KCNN3: variants seen among roughly 807,000 people sequenced by gnomAD.
The protein encoded by KCNN3 is small conductance calcium-activated potassium channel protein 3.
Under a neutral mutation model 62.9 loss-of-function variants are expected in KCNN3, and 16 were observed. The ratio of observed to expected loss-of-function variants is 0.25; its 90% CI spans 0.17 to 0.39. The LOEUF (loss-of-function observed/expected upper bound fraction) is 0.39. Among genes scored for constraint, KCNN3 ranks in the 10% least tolerant of loss-of-function variants. The probability of loss-of-function intolerance (pLI) is 1.00; values close to 1 mark genes in which losing one functional copy is unlikely to be tolerated. For synonymous variants in KCNN3, 370 were observed against 389.2 expected, an observed-to-expected ratio of 0.95 and a Z score of 0.58; for missense variants, 599 against 949.4, an observed-to-expected ratio of 0.63 and a Z score of 4.85.
rs116895349 is a variant in KCNN3, at chr1:154,805,146, G to A, written c.1029+16943C>T. On this transcript the variant is annotated intron_variant, in intron 2 of 7. Transcript: ENST00000271915. ...CACACAGTCAGGGTTCGAGTGAGGC[G>A]GTGAAGAGGAAACAGGGGGACCTGG... Among the ~76,000 whole-genome samples the A allele has an allele frequency of 3.5e-4, 53 of 152,256 alleles. No homozygotes were observed. In the East Asian group the frequency reaches 8.9e-3, roughly 25 times the overall value.
intron 2 of KCNN3, among the ~76,000 whole-genome samples, chr1:154,821,571 T>A (rs1650897530): frequency 1.3e-5 from 2 of 152,310 alleles, no homozygotes; most frequent in Middle Eastern, 3.4e-3. Context: ...CAGCAGACTC[T>A]TACTCTGTCT....
chr1:154,708,045 G>A lies in KCNN3; in HGVS notation c.2127C>T (p.Ile709=), dbSNP rs1459697235. Residue 709 remains isoleucine, a synonymous_variant, in exon 8 of 8, where the codon ATC becomes ATT. Transcript: ENST00000271915. ...AGCTGACCCCAATGGGGCTATCGGA[G>A]ATTGGGGTGTGGGTGGTGCCCACTG... ...SVAVGTTHTP[I]SDSPIGVSST... 1.2e-6 allele frequency: 2 copies of A among 1,613,280 alleles called. No homozygotes were observed. Among genetic ancestry groups the A allele is most frequent in the Admixed American group, 3.3e-5 (2 of 59,980 alleles).
At position 154,846,815 on chromosome 1, in the gene KCNN3, C is replaced by T. The variant is rs1252863502; in HGVS notation, c.933+22217G>A. On this transcript the variant is annotated intron_variant, in intron 1 of 7. Transcript: ENST00000271915. ...GCCCTCTAGGGATTTACTGTGCTTA[C>T]TAGAGGAGGAATGAAGGTTTATTCA... Among the ~76,000 whole-genome samples the T allele has an allele frequency of 2.6e-5, 4 of 152,192 alleles. No homozygotes were observed. The South Asian group carries it at 6.2e-4, about 24-fold the overall frequency.
At chr1:154,777,648 CG>C (rs1557971069) in intron 2 of KCNN3, among the ~76,000 whole-genome samples, 2 of 152,146 alleles carry the variant, frequency 1.3e-5, no homozygotes, top group African/African-American at 4.8e-5. Flanking sequence ...CAGAGGGGCT[CG>C]GGGAGTGTGT....
At chr1:154,769,436 G>C (rs1648451206) in intron 3 of KCNN3, among the ~76,000 whole-genome samples, 1 of 152,228 alleles carries the variant, frequency 6.6e-6, no homozygotes. Flanking sequence ...TGCAGAGAGA[G>C]AGAGAGAGAC....
intron 1 of KCNN3, among the ~76,000 whole-genome samples, chr1:154,828,794 G>A (rs531046199): frequency 6.6e-6 from 1 of 152,318 alleles, no homozygotes; most frequent in Non-Finnish European, 1.5e-5. Flanking sequence ...GCAGGTAAAT[G>A]CAGCTGATCC....
intron 1 of KCNN3, among the ~76,000 whole-genome samples, chr1:154,850,586 G>A (rs934879408): frequency 3.3e-5 from 5 of 152,172 alleles, no homozygotes; most frequent in African/African-American, 9.7e-5. Flanking sequence ...GACATTTGGC[G>A]ACATGGTTGG....
At chr1:154,868,912 CTCTCT>C in intron 1 of KCNN3, 115 bp downstream of exon 1, 1 of 996,844 alleles carries the variant, frequency 1.0e-6, no homozygotes, top group Non-Finnish European at 1.6e-6. Flanking sequence ...CTCTCTCTCT[CTCTCT>C]CTCTCTCTCT....
intron 1 of KCNN3, among the ~76,000 whole-genome samples, chr1:154,848,802 G>A (rs948105730): frequency 1.3e-4 from 19 of 151,958 alleles, no homozygotes; most frequent in Admixed American, 6.6e-5. Context: ...ATTAATATCC[G>A]CGGCAGGCCC....
chr1:154,863,229 C>T (rs1652831321), intron 1 of KCNN3, among the ~76,000 whole-genome samples: 3 of 151,780 alleles, frequency 2.0e-5, no homozygotes, highest in African/African-American at 4.8e-5. Context: ...ATGACAGGGT[C>T]GGGGGAGGGG....
chr1:154,734,724 G>A (rs1162513075), intron 3 of KCNN3, among the ~76,000 whole-genome samples: 1 of 152,236 alleles, frequency 6.6e-6, no homozygotes, highest in East Asian at 1.9e-4. Flanking sequence ...GACGGATACT[G>A]TGCATGTATT....
intron 2 of KCNN3, among the ~76,000 whole-genome samples, chr1:154,793,646 G>C (rs1014954011): frequency 1.3e-5 from 2 of 152,094 alleles, no homozygotes; most frequent in African/African-American, 4.8e-5. Flanking sequence ...ACTATGCTGG[G>C]GACTGTTACC....
chr1:154,747,361 T>C (rs117791669), intron 3 of KCNN3, among the ~76,000 whole-genome samples: 3 of 152,104 alleles, frequency 2.0e-5, no homozygotes, highest in South Asian at 2.1e-4. Flanking sequence ...CTGCTCCCAA[T>C]CTACCAGTGG....
At chr1:154,768,347 A>C (rs894008178) in intron 3 of KCNN3, among the ~76,000 whole-genome samples, 1 of 152,258 alleles carries the variant, frequency 6.6e-6, no homozygotes, top group African/African-American at 2.4e-5. Context: ...TTCTAAAAAT[A>C]GTGCTTAGTC....
At chr1:154,854,751 G>A (rs1371059430) in intron 1 of KCNN3, among the ~76,000 whole-genome samples, 4 of 152,182 alleles carry the variant, frequency 2.6e-5, no homozygotes, top group Non-Finnish European at 5.9e-5. Context: ...AGGCTAACGT[G>A]TGTTTGTGTC....
At chr1:154,781,106 T>C (rs1289173900) in intron 2 of KCNN3, among the ~76,000 whole-genome samples, 1 of 152,222 alleles carries the variant, frequency 6.6e-6, no homozygotes, top group African/African-American at 2.4e-5. Context: ...TTTTGGTCTC[T>C]TGCAGTGTGT....
At chr1:154,787,740 G>C (rs1649345404) in intron 2 of KCNN3, among the ~76,000 whole-genome samples, 1 of 152,170 alleles carries the variant, frequency 6.6e-6, no homozygotes, top group Non-Finnish European at 1.5e-5. Context: ...GAAGCCCACA[G>C]GGCCAAGAGG....
chr1:154,812,157 A>AT (rs1650433366), intron 2 of KCNN3, among the ~76,000 whole-genome samples: 2 of 152,260 alleles, frequency 1.3e-5, no homozygotes, highest in Non-Finnish European at 2.9e-5. Flanking sequence ...GGAAATGATC[A>AT]TCATTGAAAA....
At chr1:154,854,849 G>A (rs935463326) in intron 1 of KCNN3, among the ~76,000 whole-genome samples, 6 of 152,168 alleles carry the variant, frequency 3.9e-5, no homozygotes, top group Non-Finnish European at 7.4e-5. Flanking sequence ...TATAGAGTAA[G>A]AATATAAAGA....
Sources: gnomAD v4.1 joint callset for allele counts (sites outside exome capture counted in the v4.1 genomes callset) on GRCh38, gnomAD v4.1.1 for gene constraint, MANE v1.5 for transcripts, NCBI Gene and HGNC (gene_info 2026-07-23, HGNC 2026-07-21) for gene names.